Variants in SH2D3A observed in about 807,000 individuals in gnomAD.
SH2D3A encodes SH2 domain-containing protein 3A.
Under a neutral mutation model 50.6 loss-of-function variants are expected in SH2D3A, and 46 were observed. The observed-to-expected ratio is 0.91, with a 90% confidence interval of 0.72 to 1.16. SH2D3A has a LOEUF of 1.16. Ranked by LOEUF, SH2D3A falls within the 50% of genes most tolerant of loss-of-function variation. The pLI is 0.00. For synonymous variants in SH2D3A, 377 were observed against 348.4 expected, an observed-to-expected ratio of 1.08 and a Z score of -0.91; for missense variants, 783 against 786.2, an observed-to-expected ratio of 1.00 and a Z score of 0.05.
At position 6,754,989 on chromosome 19, in the gene SH2D3A, G is replaced by A. The variant is rs1485938181; in HGVS notation, c.823C>T (p.Gln275Ter). 6 of 1,614,002 alleles carry A rather than the reference G, an allele frequency of 3.7e-6. No homozygotes were observed. In the Middle Eastern group the frequency reaches 4.9e-4, roughly 133 times the overall value. ...TGGGGGCAGAAAGAGATCTCAGCCT[G>A]TGGTCTTGTAAAACATCTATTCTCT... The part of the protein sequence containing the change: ...EEENRCFTRP[Q>*]AEISFCPHDA... Residue 275 changes from glutamine to a stop codon, truncating the protein, a stop_gained, in exon 5 of 10, where the codon CAG (glutamine) becomes TAG (stop). Transcript: ENST00000245908. LOFTEE classifies it high-confidence loss of function.
chr19:6,760,010 C>T (rs1291873095), intron 3 of SH2D3A, among the ~76,000 whole-genome samples: 1 of 152,148 alleles, frequency 6.6e-6, no homozygotes, highest in African/African-American at 2.4e-5. Context: ...GAGGCTGAGG[C>T]GGGCGGTCAC....
Position 6,753,683 on chromosome 19 carries a change from T to G in SH2D3A, c.1385-42A>C, listed in dbSNP as rs920278594. The G allele has an allele frequency of 4.0e-6, 6 of 1,489,476 alleles. No homozygotes were observed. In the African/African-American group the frequency reaches 8.3e-5, roughly 21 times the overall value. The allele number at this position is 1,489,476 out of a possible 1,614,324, so 92.3% of individuals were successfully genotyped here. A position where few individuals can be genotyped will look rare whatever the true frequency, so the allele number is the denominator to read the frequency against. ...TCTGATCAGGGTTTGGGGCTGTAGA[T>G]GGGGCATAGGGCAGAGGTGGAACCT... is the stretch of plus-strand genomic sequence containing the variant. On this transcript the variant is annotated intron_variant, in intron 8 of 9. Transcript: ENST00000245908.
rs768513039 is a variant in SH2D3A, at chr19:6,754,336, A to C, written c.1187T>G (p.Val396Gly). 2 of 1,575,922 alleles carry C rather than the reference A, an allele frequency of 1.3e-6. No homozygotes were observed. The highest frequency in any genetic ancestry group is 1.7e-6 in the Non-Finnish European group (2 of 1,167,500). ...EERAAALRGL[V>G]ELALALRPGA... ...TGGCCGCAGCGCCAGCGCCAGCTCT[A>C]CCAGTCCCCTCAGTGCGGCTGCGCG... Residue 396 changes from valine (V) to glycine (G), a missense_variant, in exon 7 of 10, where the codon GTA (valine) becomes GGA (glycine). Val to Gly is a moderately radical substitution (Grantham distance 109). Coordinates refer to ENST00000245908, the MANE Select transcript of SH2D3A (RefSeq NM_005490.3).
At chr19:6,756,742 T>G (rs972640777) in intron 4 of SH2D3A, among the ~76,000 whole-genome samples, 2 of 152,128 alleles carry the variant, frequency 1.3e-5, no homozygotes, top group Non-Finnish European at 2.9e-5. Context: ...AGGTCCAAAG[T>G]GCTCACAGTA....
intron 4 of SH2D3A, 41 bp downstream of exon 4, chr19:6,759,553 A>G: frequency 6.3e-7 from 1 of 1,589,064 alleles, no homozygotes; most frequent in Non-Finnish European, 8.6e-7. Flanking sequence ...TGAGTGGCAG[A>G]GCCAATCCCT....
chr19:6,753,779 G>T, intron 8 of SH2D3A, 138 bp from the exon 9 acceptor site: 1 of 1,006,504 alleles, frequency 9.9e-7, no homozygotes, highest in Non-Finnish European at 1.4e-6. Context: ...AGGACCACAC[G>T]CCCCGTATGG....
Position 6,752,749 on chromosome 19 carries a change from G to A in SH2D3A, c.1575C>T (p.Phe525=), listed in dbSNP as rs1290714291. The change falls in exon 10 of 10, where the codon TTC becomes TTT. Residue 525 remains phenylalanine, a synonymous_variant. Transcript: ENST00000245908. ...CCTCCCTCAGCTCCGGGTTAGGCCG[G>A]AATCCTGGAAGCAAGGTCAGGTGGG... ...RKVAAQRLRG[F]RPNPELREAL... is the part of the protein sequence containing the mutation. The A allele has an allele frequency of 2.0e-6, 3 of 1,535,636 alleles. No individual in the cohort carries two copies. Among genetic ancestry groups the A allele is most frequent in the Non-Finnish European group, 2.6e-6 (3 of 1,137,224 alleles).
In SH2D3A at chr19:6,755,223, T is replaced by G; in HGVS notation, c.589A>C (p.Ser197Arg). The G allele has an allele frequency of 6.4e-7, 1 of 1,555,910 alleles. No individual in the cohort carries two copies. The highest frequency in any genetic ancestry group is 8.7e-7 in the Non-Finnish European group (1 of 1,149,800). Residue 197 changes from serine (S) to arginine (R), a missense_variant, in exon 5 of 10, where the codon AGT becomes CGT. Ser to Arg is a moderately radical substitution (Grantham distance 110). Coordinates refer to ENST00000245908, the MANE Select transcript of SH2D3A (RefSeq NM_005490.3). Reference protein sequence around the residue: ...APAPLGTVADSLRASDGQLQA... With the variant: ...APAPLGTVADRLRASDGQLQA... ...AGCTGCCCATCGGAGGCCCTGAGAC[T>G]GTCGGCAACAGTTCCCAGGGGAGCA... is the stretch of plus-strand genomic sequence containing the variant.
intron 1 of SH2D3A, among the ~76,000 whole-genome samples, chr19:6,766,603 A>G (rs184044435): frequency 4.6e-5 from 7 of 152,360 alleles, no homozygotes; most frequent in African/African-American, 7.2e-5. Flanking sequence ...TTGGACGACC[A>G]TTGCTGGAGC....
In SH2D3A at chr19:6,755,075, G is replaced by A. The variant is rs779202274; in HGVS notation, c.737C>T (p.Pro246Leu). Reference protein sequence around the residue: ...PRVPSVQGTSPSQSCPEPEAP... With the variant: ...PRVPSVQGTSLSQSCPEPEAP... ...CTCTGGCTCTGGGCAGCTTTGGCTC[G>A]GGGATGTTCCCTGGACACTGGGCAC... Residue 246 changes from proline to leucine, a missense_variant, in exon 5 of 10, where the codon CCG becomes CTG. Transcript: ENST00000245908. The A allele has an allele frequency of 1.5e-5, 25 of 1,613,786 alleles. No homozygotes were observed. In the East Asian group the frequency reaches 2.2e-4, roughly 14 times the overall value.
At position 6,760,719 on chromosome 19, in the gene SH2D3A, G is replaced by A; in HGVS notation, c.338C>T (p.Pro113Leu). Residue 113 changes from proline to leucine, a missense_variant, in exon 3 of 10, where the codon CCT (proline) becomes CTT (leucine). Transcript: ENST00000245908. ...TCGCAGAGGCCCCTGCCAAGTCACAGGCCTGGAGACCACAGCCCCTGTGGC... is the reference window on the plus strand; with the variant it reads ...TCGCAGAGGCCCCTGCCAAGTCACAAGCCTGGAGACCACAGCCCCTGTGGC... ...SQATGAVVSR[P>L]VTWQGPLRRS... is the part of the protein sequence containing the mutation. 1.2e-6 allele frequency: 2 copies of A among 1,614,174 alleles called. No homozygotes were observed. The highest frequency in any genetic ancestry group is 2.2e-5 in the East Asian group (1 of 44,894).
In SH2D3A at chr19:6,766,056, G is replaced by T. The variant is rs373366194; in HGVS notation, c.-69+1331C>A. ...TCCCTGCAGCCCTGCAAAGTCTTCT[G>T]GTGGGGTCTGCAGAGAAATTCCTGC... is the stretch of plus-strand genomic sequence containing the variant. On this transcript the variant is annotated intron_variant, in intron 1 of 9. Coordinates refer to ENST00000245908, the MANE Select transcript of SH2D3A (RefSeq NM_005490.3). 2.0e-4 allele frequency among the ~76,000 whole-genome samples: 30 copies of T among 152,258 alleles called. No individual in the cohort carries two copies. In the East Asian group the frequency reaches 3.9e-3, roughly 20 times the overall value.
At chr19:6,756,442 TTC>T (rs1211783240) in intron 4 of SH2D3A, among the ~76,000 whole-genome samples, 5 of 151,372 alleles carry the variant, frequency 3.3e-5, no homozygotes, top group Admixed American at 6.6e-5. Context: ...TTTCTTTTTT[TTC>T]TTTTTTATTT....
chr19:6,756,062 C>T (rs1156778277), intron 4 of SH2D3A, among the ~76,000 whole-genome samples: 2 of 147,590 alleles, frequency 1.4e-5, no homozygotes, highest in African/African-American at 5.0e-5. Context: ...CAGAGTAAGA[C>T]CCTGTCTCAA....
At chr19:6,755,943 G>C (rs1350474692) in intron 4 of SH2D3A, among the ~76,000 whole-genome samples, 1 of 151,144 alleles carries the variant, frequency 6.6e-6, no homozygotes. Context: ...GCTGGGCATG[G>C]TGGCATGCAC....
intron 3 of SH2D3A, among the ~76,000 whole-genome samples, chr19:6,759,891 T>C (rs1969910017): frequency 6.6e-6 from 1 of 152,162 alleles, no homozygotes; most frequent in Non-Finnish European, 1.5e-5. Context: ...CAGCACCCTA[T>C]GATGCACAGG....
At chr19:6,756,831 C>T (rs943454643) in intron 4 of SH2D3A, among the ~76,000 whole-genome samples, 2 of 152,050 alleles carry the variant, frequency 1.3e-5, no homozygotes, top group Admixed American at 6.6e-5. Context: ...CAGCTACACT[C>T]GTGTGTCCCT....
At chr19:6,761,242 GA>G (rs1970001523) in intron 2 of SH2D3A, 1 of 487,092 alleles carries the variant, frequency 2.1e-6, no homozygotes, top group African/African-American at 1.9e-5. Context: ...ATGTGGGGTA[GA>G]AGGGCTATGG....
In SH2D3A at chr19:6,752,239, ACTC is replaced by A. The variant is rs1256120662; in HGVS notation, c.*351_*353del. On this transcript the variant is annotated 3_prime_UTR_variant, in exon 10 of 10. Coordinates refer to ENST00000245908, the MANE Select transcript of SH2D3A (RefSeq NM_005490.3). The stretch of plus-strand genomic sequence containing the variant: ...ACCATGTTGCCCTGGCTGGTCTTGA[ACTC>A]CTGGCCTCAAGCCTTCCTTCCGCCT... 2 of 225,696 alleles carry A rather than the reference ACTC, an allele frequency of 8.9e-6. No homozygotes were observed. The highest frequency in any genetic ancestry group is 1.7e-5 in the Non-Finnish European group (2 of 117,450). 14.0% of individuals were successfully genotyped at this position (225,696 alleles called of 1,614,324 possible).
Sources: gnomAD v4.1 joint callset for allele counts (sites outside exome capture counted in the v4.1 genomes callset) on GRCh38, gnomAD v4.1.1 for gene constraint, MANE v1.5 for transcripts, NCBI Gene and HGNC (gene_info 2026-07-23, HGNC 2026-07-21) for gene names.